The following EIF2A variants were observed in gnomAD, a reference collection of about 807,000 sequenced individuals.
EIF2A encodes 65 kDa eukaryotic translation initiation factor 2A.
EIF2A carries 62 observed loss-of-function variants against 75.2 expected under a neutral mutation model. The ratio of observed to expected loss-of-function variants is 0.82; its 90% confidence interval spans 0.67 to 1.02. The LOEUF (loss-of-function observed/expected upper bound fraction) is 1.02, where lower values mean the gene tolerates loss of function less well. Among genes scored for constraint, EIF2A ranks in the 50% least tolerant of loss-of-function variants. EIF2A has a pLI of 0.00. For missense variants in EIF2A, 611 were observed against 677.7 expected, an observed-to-expected ratio of 0.90 and a Z score of 1.09; for synonymous variants, 207 against 239.0, an observed-to-expected ratio of 0.87 and a Z score of 1.23.
chr3:150,562,611 T>A lies in EIF2A; in HGVS notation c.243T>A (p.Leu81=). 1 of 1,613,550 alleles carries A rather than the reference T, an allele frequency of 6.2e-7. No homozygotes were observed. Among genetic ancestry groups the A allele is most frequent in the Non-Finnish European group, 8.5e-7 (1 of 1,179,660 alleles). The change falls in exon 4 of 14, where the codon CTT becomes CTA. Residue 81 remains leucine, a synonymous_variant. Transcript: ENST00000460851. ...TCGACCTCCTGAAGGCAGTTTGCCT[T>A]GAATTCTCACCCAAAAATACTGTCC... ...HSFDLLKAVC[L]EFSPKNTVLA...
intron 11 of EIF2A, among the ~76,000 whole-genome samples, chr3:150,580,684 C>T (rs188101880): frequency 3.9e-5 from 6 of 152,262 alleles, no homozygotes; most frequent in African/African-American, 2.4e-5. Flanking sequence ...GAGCACTTTA[C>T]GGCTTCTCTT....
chr3:150,557,808 A>G, intron 2 of EIF2A: 1 of 268,346 alleles, frequency 3.7e-6, no homozygotes, highest in Admixed American at 5.3e-5. Flanking sequence ...GAATTAATGC[A>G]AAGATAGTGT....
chr3:150,583,948 T>G lies in EIF2A; in HGVS notation c.*37T>G, dbSNP rs1725333657. The G allele has an allele frequency of 6.3e-7, 1 of 1,597,578 alleles. No homozygotes were observed. The highest frequency in any genetic ancestry group is 2.2e-5 in the East Asian group (1 of 44,704). Reference sequence around the variant, plus strand: ...AAGCAAGTTGATGACCAGAAATCAGTGCAAACACATCTTCTGTTAAACCCA... The same window carrying G: ...AAGCAAGTTGATGACCAGAAATCAGGGCAAACACATCTTCTGTTAAACCCA... On this transcript the variant is annotated 3_prime_UTR_variant, in exon 14 of 14. Transcript: ENST00000460851.
rs1401003781 is a variant in EIF2A at position 150,583,873 on chromosome 3, C to T, written c.1720C>T (p.Leu574Phe). The change falls in exon 14 of 14, where the codon CTT (leucine) becomes TTT (phenylalanine). Residue 574 changes from leucine (L) to phenylalanine (F), a missense_variant. Transcript: ENST00000460851. ...GGAGAAAATTCAGAAAGAAACAGCCCTTCTCCAGGAGCTGGAAGATTTGGA... is the reference window on the plus strand; with the variant it reads ...GGAGAAAATTCAGAAAGAAACAGCCTTTCTCCAGGAGCTGGAAGATTTGGA... ...QLEKIQKETA[L>F]LQELEDLELG... The T allele has an allele frequency of 1.7e-5, 28 of 1,613,378 alleles. No individual in the cohort carries two copies. Among genetic ancestry groups the T allele is most frequent in the Non-Finnish European group, 2.1e-5 (25 of 1,179,660 alleles).
chr3:150,563,387 AAC>A, intron 4 of EIF2A, 126 bp from the exon 5 acceptor site: 1 of 660,434 alleles, frequency 1.5e-6, no homozygotes, highest in Non-Finnish European at 2.5e-6. Flanking sequence ...TTATTTTGGT[AAC>A]ACAGAGGCAA....
chr3:150,572,359 A>G lies in EIF2A; in HGVS notation c.1213A>G (p.Asn405Asp). 1 of 1,614,004 alleles carries G rather than the reference A, an allele frequency of 6.2e-7. No homozygotes were observed. The highest frequency in any genetic ancestry group is 1.3e-5 in the African/African-American group (1 of 75,054). Reference protein sequence around the residue: ...SILHKYDVPSNAELWQVSWQP... With the variant: ...SILHKYDVPSDAELWQVSWQP... ...CTTGCACAAGTATGATGTGCCATCA[A>G]ATGCAGAATTATGGCAGGTTTCTTG... The change falls in exon 10 of 14, where the codon AAT (asparagine) becomes GAT (aspartate). Residue 405 changes from asparagine (N) to aspartate (D), a missense_variant. Physicochemically the swap from Asn to Asp is conservative, Grantham distance 23 (BLOSUM62 1). Coordinates refer to ENST00000460851, the MANE Select transcript of EIF2A (RefSeq NM_032025.5).
In EIF2A at chr3:150,568,230, A is replaced by G. The variant is rs754532571; in HGVS notation, c.749A>G (p.Tyr250Cys). 6.2e-6 allele frequency: 10 copies of G among 1,613,804 alleles called. No individual in the cohort carries two copies. Among genetic ancestry groups the G allele is most frequent in the Non-Finnish European group, 8.5e-6 (10 of 1,179,798 alleles). The change falls in exon 9 of 14, where the codon TAC (tyrosine) becomes TGC (cysteine). Residue 250 changes from tyrosine (Y) to cysteine (C), a missense_variant. By Grantham distance (194) the Tyr-to-Cys change is radical (BLOSUM62 -2). Coordinates refer to ENST00000460851, the MANE Select transcript of EIF2A (RefSeq NM_032025.5). The part of the protein sequence containing the change: ...STDVDKTGAS[Y>C]YGEQTLHYIA... ...GATGTTGACAAGACAGGAGCTTCCT[A>G]CTATGGAGAACAAACTCTACACTAC...
chr3:150,555,175 C>T (rs1227777957), intron 2 of EIF2A, among the ~76,000 whole-genome samples: 3 of 151,998 alleles, frequency 2.0e-5, no homozygotes, highest in South Asian at 2.1e-4. Context: ...GAGATCCAAC[C>T]GCCTTGGCCT....
chr3:150,574,333 C>T (rs1047744589), intron 10 of EIF2A, among the ~76,000 whole-genome samples: 4 of 152,066 alleles, frequency 2.6e-5, no homozygotes, highest in African/African-American at 7.2e-5. Flanking sequence ...AAGTGAAAGG[C>T]TCTCAGTGGC....
chr3:150,563,678 A>C, intron 5 of EIF2A, 64 bp downstream of exon 5: 1 of 1,198,326 alleles, frequency 8.3e-7, no homozygotes, highest in East Asian at 2.8e-5. Context: ...ACTGTATAAT[A>C]TTTGTTTTCC....
rs756441893 is a variant in EIF2A, at chr3:150,567,697, A to G, written c.480A>G (p.Thr160=). The G allele has an allele frequency of 2.0e-6, 3 of 1,536,406 alleles. No homozygotes were observed. In the South Asian group the frequency reaches 3.6e-5, roughly 19 times the overall value. The change falls in exon 7 of 14, where the codon ACA becomes ACG. Residue 160 remains threonine (T), a synonymous_variant. Coordinates refer to ENST00000460851, the MANE Select transcript of EIF2A (RefSeq NM_032025.5). ...VHFFENNNFN[T]IANKLHLQKI... Reference sequence around the variant, plus strand: ...TTAATTTACTCTTTTTTTTAGACACAATTGCAAATAAATTGCATTTGCAAA... The same window carrying G: ...TTAATTTACTCTTTTTTTTAGACACGATTGCAAATAAATTGCATTTGCAAA...
chr3:150,547,601 G>C (rs1413457934), intron 1 of EIF2A, among the ~76,000 whole-genome samples: 2 of 152,124 alleles, frequency 1.3e-5, no homozygotes, highest in Non-Finnish European at 2.9e-5. Flanking sequence ...GAAGGTTTTG[G>C]TTAAGTTCTG....
rs907347574 is a variant in EIF2A, at chr3:150,584,383, A to G, written c.*472A>G. The G allele has an allele frequency of 2.0e-5, 3 of 152,640 alleles. No homozygotes were observed. The highest frequency in any genetic ancestry group is 2.0e-4 in the Admixed American group (3 of 15,284). 9.5% of individuals were successfully genotyped at this position (152,640 alleles called of 1,614,324 possible). A position where few individuals can be genotyped will look rare whatever the true frequency, so the allele number is the denominator to read the frequency against. Reference sequence around the variant, plus strand: ...ATAAATGAAAAAACTAAGGCCATAAATTTAAGAAATTTGTCAGTGTCTCAA... The same window carrying G: ...ATAAATGAAAAAACTAAGGCCATAAGTTTAAGAAATTTGTCAGTGTCTCAA... On this transcript the variant is annotated 3_prime_UTR_variant, in exon 14 of 14. Coordinates refer to ENST00000460851, the MANE Select transcript of EIF2A (RefSeq NM_032025.5).
chr3:150,563,667 C>T, intron 5 of EIF2A, 53 bp downstream of exon 5: 2 of 1,250,986 alleles, frequency 1.6e-6, no homozygotes, highest in East Asian at 5.3e-5. Flanking sequence ...TTAATGTCAT[C>T]ACTGTATAAT....
At chr3:150,583,635 G>A (rs1318137220) in intron 13 of EIF2A, among the ~76,000 whole-genome samples, 3 of 151,880 alleles carry the variant, frequency 2.0e-5, no homozygotes, top group African/African-American at 4.8e-5. Context: ...AAATTTTTGG[G>A]GCCCAAAGGG....
chr3:150,581,917 G>C (rs963377211), intron 12 of EIF2A, among the ~76,000 whole-genome samples, 171 bp downstream of exon 12: 2 of 152,128 alleles, frequency 1.3e-5, no homozygotes, highest in African/African-American at 4.8e-5. Context: ...ATTGATTTTA[G>C]TTCTATTCAT....
chr3:150,575,891 C>A, intron 11 of EIF2A, 129 bp downstream of exon 11: 1 of 700,954 alleles, frequency 1.4e-6, no homozygotes, highest in Non-Finnish European at 2.3e-6. Context: ...AAGTTCAAGA[C>A]CAGACTGGCC....
Position 150,546,816 on chromosome 3 carries a change from C to T in EIF2A, c.14C>T (p.Thr5Met). 2 of 1,612,508 alleles carry T rather than the reference C, an allele frequency of 1.2e-6. No individual in the cohort carries two copies. Among genetic ancestry groups the T allele is most frequent in the Admixed American group, 1.7e-5 (1 of 60,034 alleles). Residue 5 changes from threonine (T) to methionine (M), a missense_variant, in exon 1 of 14, where the codon ACG becomes ATG. Physicochemically the swap from Thr to Met is moderately conservative, Grantham distance 81. Transcript: ENST00000460851. MAPS[T>M]PLLTVRGSEG... ...TTCCGGGACAACATGGCGCCGTCCACGCCGCTCTTGACAGGTGAGTTCTGA... is the reference window on the plus strand; with the variant it reads ...TTCCGGGACAACATGGCGCCGTCCATGCCGCTCTTGACAGGTGAGTTCTGA...
chr3:150,563,700 T>G (rs1233623949), intron 5 of EIF2A, 86 bp downstream of exon 5: 9 of 1,066,730 alleles, frequency 8.4e-6, no homozygotes, highest in Non-Finnish European at 1.2e-5. Flanking sequence ...GATATTGATT[T>G]AAAAAATAAC....
Sources: allele counts gnomAD v4.1 joint callset (sites outside exome capture counted in the v4.1 genomes callset), GRCh38; gene constraint gnomAD v4.1.1; transcripts MANE v1.5; gene names NCBI Gene and HGNC (gene_info 2026-07-23, HGNC 2026-07-21).